CDH18: variants seen among roughly 807,000 people sequenced by gnomAD.
CDH18 encodes cadherin 18.
In CDH18, 31 loss-of-function variants were observed where a neutral mutation model predicts 67.9. That is an observed-to-expected ratio of 0.46 (90% CI 0.34 to 0.62). CDH18 has a LOEUF of 0.62. Among genes scored for constraint, CDH18 ranks in the 20% least tolerant of loss-of-function variants. The pLI, the probability that CDH18 is intolerant of heterozygous loss-of-function variation, is 0.01. For synonymous variants in CDH18, 362 were observed against 347.2 expected (o/e 1.04, Z -0.48); for missense variants, 890 against 975.5 (o/e 0.91, Z 1.17).
rs544526863 is a variant in CDH18, at chr5:20,501,660, G to A, written c.-580+73802C>T. Among the ~76,000 whole-genome samples the A allele has an allele frequency of 1.2e-4, 16 of 135,198 alleles. No individual in the cohort carries two copies. The East Asian group carries it at 3.4e-3, about 29-fold the overall frequency. The allele number at this position is 135,198 out of a possible 152,430, so 88.7% of individuals were successfully genotyped here. On this transcript the variant is annotated intron_variant, in intron 1 of 14. Coordinates refer to the CDH18 transcript ENST00000507958. ...GTGGCCCAGGCAGGAGTGCAGTGGT[G>A]CAATCTCAGCTCACTGCAAGCTCTG...
Position 20,485,596 on chromosome 5 carries a change from CT to C in CDH18, c.-580+89865del, listed in dbSNP as rs573838021. On this transcript the variant is annotated intron_variant, in intron 1 of 14. Transcript: ENST00000507958. ...TTCCTCTATTTCAAATTAATTTAGCCTTTTAATTTTTTCATATAATGTCTCA... is the reference window on the plus strand; with the variant it reads ...TTCCTCTATTTCAAATTAATTTAGCCTTTAATTTTTTCATATAATGTCTCA... Among the ~76,000 whole-genome samples, 344 of 150,662 alleles carry C rather than the reference CT, an allele frequency of 2.3e-3. 2 individuals carry two copies. Among genetic ancestry groups the C allele is most frequent in the Admixed American group, 3.4e-3 (52 of 15,172 alleles).
At chr5:19,683,658 G>A (rs555202188) in intron 5 of CDH18, among the ~76,000 whole-genome samples, 4 of 152,074 alleles carry the variant, frequency 2.6e-5, no homozygotes, top group Admixed American at 2.0e-4. Context: ...CAGAATGGGT[G>A]GTAGTTATTA....
chr5:19,828,778 T>G (rs1036663303), intron 3 of CDH18, among the ~76,000 whole-genome samples: 13 of 152,220 alleles, frequency 8.5e-5, no homozygotes, highest in African/African-American at 3.1e-4. Context: ...GGCTCATGCC[T>G]GTAACCCCAG....
intron 2 of CDH18, among the ~76,000 whole-genome samples, chr5:20,182,943 T>C (rs911290631): frequency 6.6e-6 from 1 of 152,136 alleles, no homozygotes; most frequent in Non-Finnish European, 1.5e-5. Flanking sequence ...GTATATATAA[T>C]GGGATAGTTT....
intron 5 of CDH18, among the ~76,000 whole-genome samples, chr5:19,619,066 T>C (rs552920668): frequency 1.3e-5 from 2 of 152,232 alleles, no homozygotes; most frequent in South Asian, 2.1e-4. Context: ...TTCTGAATTT[T>C]CCCAAACGAT....
chr5:20,532,118 C>T (rs1756438567), intron 1 of CDH18, among the ~76,000 whole-genome samples: 1 of 152,016 alleles, frequency 6.6e-6, no homozygotes. Context: ...AAGGATACAG[C>T]AGCTATTACT....
chr5:20,344,940 A>G (rs1002053544), intron 1 of CDH18, among the ~76,000 whole-genome samples: 2 of 152,198 alleles, frequency 1.3e-5, no homozygotes, highest in African/African-American at 4.8e-5. Context: ...TCTAACTTGC[A>G]TAGTTAAACC....
chr5:19,676,987 C>T (rs947076051), intron 5 of CDH18, among the ~76,000 whole-genome samples: 2 of 152,010 alleles, frequency 1.3e-5, no homozygotes, highest in Admixed American at 1.3e-4. Flanking sequence ...CCCTTATGCC[C>T]TTCAGTCAAA....
chr5:20,411,935 T>C (rs907970828), intron 1 of CDH18, among the ~76,000 whole-genome samples: 1 of 152,166 alleles, frequency 6.6e-6, no homozygotes, highest in African/African-American at 2.4e-5. Context: ...AAAGGATCAA[T>C]ATCATTAAAA....
chr5:20,244,749 G>A (rs1284938756), intron 2 of CDH18, among the ~76,000 whole-genome samples: 1 of 151,940 alleles, frequency 6.6e-6, no homozygotes, highest in East Asian at 1.9e-4. Context: ...GTATTATTTT[G>A]TTATCAAATA....
chr5:19,847,165 T>C (rs1280772530), intron 2 of CDH18, among the ~76,000 whole-genome samples: 1 of 152,110 alleles, frequency 6.6e-6, no homozygotes, highest in Non-Finnish European at 1.5e-5. Context: ...TTATAGCTAT[T>C]CCCTTTCCAA....
chr5:19,636,934 G>C (rs1306941349), intron 5 of CDH18, among the ~76,000 whole-genome samples: 2 of 152,030 alleles, frequency 1.3e-5, no homozygotes, highest in Non-Finnish European at 2.9e-5. Flanking sequence ...TTTTATAAGT[G>C]GTTTGATTCT....
At chr5:20,471,980 A>ATTATCAAG (rs143335601) in intron 1 of CDH18, among the ~76,000 whole-genome samples, 2 of 151,904 alleles carry the variant, frequency 1.3e-5, no homozygotes, top group African/African-American at 2.4e-5. Context: ...GCTCCAAAAT[A>ATTATCAAG]AATTCACTGA....
At chr5:20,544,498 G>T (rs1296739686) in intron 1 of CDH18, among the ~76,000 whole-genome samples, 3 of 152,128 alleles carry the variant, frequency 2.0e-5, no homozygotes, top group Non-Finnish European at 4.4e-5. Flanking sequence ...CATATGGCTG[G>T]AGAGGCATCA....
intron 5 of CDH18, among the ~76,000 whole-genome samples, chr5:19,719,996 T>A (rs566793358): frequency 9.2e-5 from 14 of 151,926 alleles, no homozygotes; most frequent in Non-Finnish European, 1.9e-4. Context: ...GATCCATTCA[T>A]GCCAGTGTAT....
intron 11 of CDH18, 80 bp downstream of exon 11, chr5:19,502,912 G>T: frequency 1.2e-6 from 1 of 838,866 alleles, no homozygotes; most frequent in Non-Finnish European, 2.1e-6. Flanking sequence ...ATGTTTGTGT[G>T]TATATAAGAA....
chr5:20,072,729 A>G (rs752527899), intron 2 of CDH18, among the ~76,000 whole-genome samples: 85 of 152,086 alleles, frequency 5.6e-4, no homozygotes, highest in Admixed American at 1.2e-3. Flanking sequence ...AAAATATTCA[A>G]AATATTTTTA....
chr5:20,388,807 C>T (rs577396456), intron 1 of CDH18, among the ~76,000 whole-genome samples: 6 of 152,216 alleles, frequency 3.9e-5, no homozygotes, highest in African/African-American at 1.4e-4. Context: ...TCGTTATGTA[C>T]CCAGTAGTCA....
At chr5:20,070,005 T>C (rs963539605) in intron 2 of CDH18, among the ~76,000 whole-genome samples, 2 of 152,312 alleles carry the variant, frequency 1.3e-5, no homozygotes, top group African/African-American at 2.4e-5. Context: ...CTGGCCATTG[T>C]AGTATCATGC....
Sources: allele counts gnomAD v4.1 joint callset (sites outside exome capture counted in the v4.1 genomes callset), GRCh38; gene constraint gnomAD v4.1.1; transcripts MANE v1.5; gene names NCBI Gene and HGNC (gene_info 2026-07-23, HGNC 2026-07-21).